The following ABCA5 variants were observed in gnomAD, a reference collection of about 807,000 sequenced individuals.
ABCA5 encodes the protein cholesterol transporter ABCA5.
A neutral mutation model predicts 206.0 loss-of-function variants in ABCA5; 163 were observed. The ratio of observed to expected loss-of-function variants is 0.79; its 90% CI spans 0.70 to 0.90. The LOEUF is 0.90. ABCA5 is among the 40% of genes least tolerant of loss of function. ABCA5 has a pLI of 0.00. For synonymous variants in ABCA5, 609 were observed against 613.8 expected (o/e 0.99, Z 0.11); for missense variants, 1,859 against 1,912.9 (o/e 0.97, Z 0.53).
chr17:69,305,673 C>T (rs934542723), intron 6 of ABCA5, among the ~76,000 whole-genome samples: 1 of 152,042 alleles, frequency 6.6e-6, no homozygotes, highest in Non-Finnish European at 1.5e-5. Context: ...ACTTTGAGAC[C>T]AGCCTGCACA....
At position 69,261,217 on chromosome 17, in the gene ABCA5, TAAAG is replaced by T. The variant is rs770601518; in HGVS notation, c.3468_3471del (p.Phe1156LeufsTer24). 2 of 1,608,294 alleles carry T rather than the reference TAAAG, an allele frequency of 1.2e-6. No individual in the cohort carries two copies. Among genetic ancestry groups the T allele is most frequent in the Non-Finnish European group, 1.7e-6 (2 of 1,177,196 alleles). Reference sequence around the variant, plus strand: ...AGAATAGTTGCAATTGTGTATCCCATAAAGAAAGTTATTTCAGTGATTGCAATAC... The same window carrying T: ...AGAATAGTTGCAATTGTGTATCCCATAAAGTTATTTCAGTGATTGCAATAC... On this transcript the variant is annotated frameshift_variant, in exon 26 of 39. Coordinates refer to ENST00000392676, the MANE Select transcript of ABCA5 (RefSeq NM_172232.4). LOFTEE classifies it high-confidence loss of function.
intron 18 of ABCA5, 142 bp from the exon 19 acceptor site, chr17:69,277,984 T>A: frequency 1.7e-6 from 1 of 594,762 alleles, no homozygotes. Flanking sequence ...CAGTATCTAT[T>A]AAAGCTGAAC....
chr17:69,294,610 T>C, intron 11 of ABCA5, 45 bp downstream of exon 11: 1 of 1,457,436 alleles, frequency 6.9e-7, no homozygotes, highest in Non-Finnish European at 9.5e-7. Flanking sequence ...ATTTTTCTAG[T>C]TGTACTTTAA....
At chr17:69,270,580 T>C (rs759654774) in intron 22 of ABCA5, 33 bp downstream of exon 22, 4 of 1,539,570 alleles carry the variant, frequency 2.6e-6, no homozygotes, top group East Asian at 4.7e-5. Flanking sequence ...ATGACATGCA[T>C]ATGGAAATTT....
chr17:69,291,974 A>G (rs572124464), intron 11 of ABCA5, among the ~76,000 whole-genome samples: 139 of 151,934 alleles, frequency 9.1e-4, no homozygotes, highest in African/African-American at 2.9e-3. Context: ...TTAGCTGGGC[A>G]TGGTGGCACC....
chr17:69,312,269 A>G (rs1185720274), intron 3 of ABCA5, among the ~76,000 whole-genome samples: 2 of 152,104 alleles, frequency 1.3e-5, no homozygotes, highest in Non-Finnish European at 2.9e-5. Flanking sequence ...TTTCTAGTTC[A>G]TTTCTTTGTG....
intron 11 of ABCA5, among the ~76,000 whole-genome samples, chr17:69,291,701 C>T (rs2075527857): frequency 6.6e-6 from 1 of 152,000 alleles, no homozygotes; most frequent in Non-Finnish European, 1.5e-5. Context: ...TAACCAATAG[C>T]ATAGAAATGG....
intron 17 of ABCA5, among the ~76,000 whole-genome samples, chr17:69,285,677 A>G (rs889087578): frequency 7.9e-5 from 12 of 152,046 alleles, no homozygotes; most frequent in African/African-American, 2.4e-4. Context: ...AGTATTTAAT[A>G]TATTAGTTAC....
At chr17:69,283,163 T>C (rs895849264) in intron 18 of ABCA5, among the ~76,000 whole-genome samples, 2 of 151,880 alleles carry the variant, frequency 1.3e-5, no homozygotes, top group Non-Finnish European at 2.9e-5. Context: ...ATTTTTGTGT[T>C]TTTTGTGACA....
rs138008627 is a variant in ABCA5 at position 69,316,008 on chromosome 17, A to G, written c.-15-1578T>C. Among the ~76,000 whole-genome samples, 1,127 of 152,308 alleles carry G rather than the reference A, an allele frequency of 7.4e-3. 6 individuals are homozygous for G. Among genetic ancestry groups the G allele is most frequent in the Admixed American group, 0.012 (177 of 15,296 alleles). On this transcript the variant is annotated intron_variant, in intron 1 of 38. Transcript: ENST00000392676. ...GGAAATTTTAGAACACAAAAACACA[A>G]TAAGAAATAAATACAAATGGAAACT... is the stretch of plus-strand genomic sequence containing the variant.
rs377350256 is a variant in ABCA5, at chr17:69,247,566, G to A, written c.4900C>T (p.Arg1634Ter). ...GTLNSTLWWERTQEDRVVF is the reference protein window; with the variant it reads ...GTLNSTLWWE The stretch of plus-strand genomic sequence containing the variant: ...AATACTACTCTATCTTCTTGTGTTC[G>A]TTCCCACCAAAGTGTGCTGTTTAAA... Residue 1634 changes from arginine to a stop codon, truncating the protein, a stop_gained, in exon 39 of 39, where the codon CGA (arginine) becomes TGA (stop). Transcript: ENST00000392676. LOFTEE classifies it high-confidence loss of function. 8.7e-6 allele frequency: 14 copies of A among 1,608,068 alleles called. No individual in the cohort carries two copies. In the South Asian group the frequency reaches 8.9e-5, roughly 10 times the overall value.
rs1320474352 is a variant in ABCA5, at chr17:69,253,871, T to C, written c.4245-2A>G. ...TTTAAATCAAGTGCATGTGTTATTC[T>C]GCAAAATGAACAATACAAAATGAGA... On this transcript the variant is annotated splice_acceptor_variant, in intron 32 of 38. Coordinates refer to ENST00000392676, the MANE Select transcript of ABCA5 (RefSeq NM_172232.4). LOFTEE classifies it high-confidence loss of function. 4.4e-6 allele frequency: 7 copies of C among 1,607,624 alleles called. No individual in the cohort carries two copies. The highest frequency in any genetic ancestry group is 5.9e-6 in the Non-Finnish European group (7 of 1,176,484).
intron 20 of ABCA5, 84 bp from the exon 21 acceptor site, chr17:69,271,373 A>G: frequency 7.2e-7 from 1 of 1,384,468 alleles, no homozygotes; most frequent in Non-Finnish European, 9.7e-7. Context: ...CTATTTTTAG[A>G]GAAATATTTT....
intron 9 of ABCA5, among the ~76,000 whole-genome samples, chr17:69,298,942 C>G (rs1052894590): frequency 6.6e-6 from 1 of 152,098 alleles, no homozygotes; most frequent in African/African-American, 2.4e-5. Flanking sequence ...GGACTAACAT[C>G]TAGAATCTAT....
chr17:69,276,509 A>G (rs1407964993), intron 19 of ABCA5, among the ~76,000 whole-genome samples: 1 of 152,224 alleles, frequency 6.6e-6, no homozygotes, highest in African/African-American at 2.4e-5. Context: ...TTGAAGGTAC[A>G]TGGATGAAGC....
intron 9 of ABCA5, among the ~76,000 whole-genome samples, chr17:69,299,856 A>C (rs2075632970): frequency 6.6e-6 from 1 of 152,072 alleles, no homozygotes; most frequent in Non-Finnish European, 1.5e-5. Flanking sequence ...AAAAAATAAT[A>C]AAACCTCAAA....
chr17:69,268,153 C>T, intron 22 of ABCA5, 97 bp from the exon 23 acceptor site: 2 of 590,638 alleles, frequency 3.4e-6, no homozygotes, highest in South Asian at 5.0e-5. Flanking sequence ...AAAATCAAAA[C>T]CTCAGAAAGA....
In ABCA5 at chr17:69,304,787, G is replaced by GAA; in HGVS notation, c.811_812insTT (p.Thr271IlefsTer4). ...AAGGGACATAAGAAAAATTAAACTT[G>GAA]TATATAGAAGAACCCAGGAAAGCCT... On this transcript the variant is annotated frameshift_variant, in exon 7 of 39. Transcript: ENST00000392676. LOFTEE classifies it high-confidence loss of function. 1 of 1,601,600 alleles carries GAA rather than the reference G, an allele frequency of 6.2e-7. No individual in the cohort carries two copies. Among genetic ancestry groups the GAA allele is most frequent in the Non-Finnish European group, 8.5e-7 (1 of 1,174,546 alleles).
chr17:69,321,049 A>G (rs2075861222), intron 1 of ABCA5, among the ~76,000 whole-genome samples: 1 of 152,186 alleles, frequency 6.6e-6, no homozygotes, highest in Non-Finnish European at 1.5e-5. Context: ...GGTAATCACA[A>G]AGGCCCCTCT....
Sources: allele counts gnomAD v4.1 joint callset (sites outside exome capture counted in the v4.1 genomes callset), GRCh38; gene constraint gnomAD v4.1.1; transcripts MANE v1.5; gene names NCBI Gene and HGNC (gene_info 2026-07-23, HGNC 2026-07-21).